Variants in FAM149B1 observed in about 807,000 individuals in gnomAD.
FAM149B1 encodes the protein family with sequence similarity 149 member B1.
FAM149B1 carries 56 observed loss-of-function variants against 75.3 expected under a neutral mutation model. The observed-to-expected ratio is 0.74, with a 90% CI of 0.60 to 0.93. The LOEUF (loss-of-function observed/expected upper bound fraction) is 0.93, where lower values mean the gene tolerates loss of function less well. FAM149B1 is among the 40% of genes least tolerant of loss of function. The pLI is 0.00. For missense variants in FAM149B1, 639 were observed against 708.4 expected (o/e 0.90, Z 1.11); for synonymous variants, 259 against 256.1 (o/e 1.01, Z -0.11).
chr10:73,228,063 A>AT lies in FAM149B1; in HGVS notation c.903dup (p.Glu302Ter). The AT allele has an allele frequency of 6.4e-7, 1 of 1,551,660 alleles. No individual in the cohort carries two copies. The highest frequency in any genetic ancestry group is 8.7e-7 in the Non-Finnish European group (1 of 1,146,868). On this transcript the variant is annotated frameshift_variant, in exon 8 of 14. Transcript: ENST00000242505. LOFTEE classifies it high-confidence loss of function. The stretch of plus-strand genomic sequence containing the variant: ...TATATCCTGTTCCTTTGCCCAGATG[A>AT]TGAGAGTAATGTTGCAGTTACCAGA...
chr10:73,241,944 G>A lies in FAM149B1; in HGVS notation c.*925G>A, dbSNP rs2133422359. 1 of 152,302 alleles carries A rather than the reference G, an allele frequency of 6.6e-6. No homozygotes were observed. Among genetic ancestry groups the A allele is most frequent in the South Asian group, 2.1e-4 (1 of 4,832 alleles). The allele number at this position is 152,302 out of a possible 1,614,324, so 9.4% of individuals were successfully genotyped here. On this transcript the variant is annotated 3_prime_UTR_variant, in exon 14 of 14. Transcript: ENST00000242505. ...CCTTTTCCTAAGGGCATTCATGAAT[G>A]CAGCAACAGTTTTAACTATGGCTTA...
chr10:73,185,207 G>C (rs193154429), intron 3 of FAM149B1, among the ~76,000 whole-genome samples: 3 of 152,118 alleles, frequency 2.0e-5, no homozygotes, highest in Admixed American at 2.0e-4. Context: ...AATCTAATTG[G>C]GTTATTTCTA....
chr10:73,186,735 C>T (rs984793557), intron 3 of FAM149B1, among the ~76,000 whole-genome samples: 1 of 152,196 alleles, frequency 6.6e-6, no homozygotes, highest in Non-Finnish European at 1.5e-5. Flanking sequence ...CATGTTACAA[C>T]TTGGATGAAC....
At chr10:73,219,051 C>T (rs2043353444) in intron 7 of FAM149B1, among the ~76,000 whole-genome samples, 1 of 152,152 alleles carries the variant, frequency 6.6e-6, no homozygotes, top group East Asian at 1.9e-4. Context: ...TAGATTTCTG[C>T]TCTCAGTCTG....
At chr10:73,239,867 C>T (rs1405588526) in intron 13 of FAM149B1, among the ~76,000 whole-genome samples, 1 of 152,140 alleles carries the variant, frequency 6.6e-6, no homozygotes, top group Non-Finnish European at 1.5e-5. Context: ...ATCGCATTAA[C>T]TCTTTTTATC....
intron 3 of FAM149B1, among the ~76,000 whole-genome samples, chr10:73,186,115 T>C (rs1214284711): frequency 6.6e-6 from 1 of 152,030 alleles, no homozygotes; most frequent in African/African-American, 2.4e-5. Flanking sequence ...TATCCCAGGA[T>C]TGCACGGCTG....
At position 73,243,929 on chromosome 10, in the gene FAM149B1, C is replaced by G; in HGVS notation, c.*2910C>G. On this transcript the variant is annotated 3_prime_UTR_variant, in exon 14 of 14. Transcript: ENST00000242505. ...TCTGCTTCTTTGGCCTCTTCCTGAG[C>G]CTGAAACAGGAACTCACATGAGACT... 6.2e-7 allele frequency: 1 copy of G among 1,613,874 alleles called. No individual in the cohort carries two copies. Among genetic ancestry groups the G allele is most frequent in the Non-Finnish European group, 8.5e-7 (1 of 1,179,896 alleles).
Position 73,208,638 on chromosome 10 carries a change from A to C in FAM149B1, c.562A>C (p.Lys188Gln). 1 of 1,534,270 alleles carries C rather than the reference A, an allele frequency of 6.5e-7. No individual in the cohort carries two copies. The highest frequency in any genetic ancestry group is 8.8e-7 in the Non-Finnish European group (1 of 1,137,624). Residue 188 changes from lysine (K) to glutamine (Q), a missense_variant, in exon 6 of 14, where the codon AAG (lysine) becomes CAG (glutamine). Transcript: ENST00000242505. ...DSTIFGIRGK[K>Q]LHFSSSYAHK... The stretch of plus-strand genomic sequence containing the variant: ...TCCAAGATTTGGTATAAGGGGAAAG[A>C]AGTTACATTTTTCATCTTCTTATGC...
At position 73,243,604 on chromosome 10, in the gene FAM149B1, G is replaced by C. The variant is rs983267534; in HGVS notation, c.*2585G>C. ...GTGGTTGCCAGGGGCTGGAAAAGTGGAATAACTACTAATGGGTATGGAGTT... is the reference window on the plus strand; with the variant it reads ...GTGGTTGCCAGGGGCTGGAAAAGTGCAATAACTACTAATGGGTATGGAGTT... On this transcript the variant is annotated 3_prime_UTR_variant, in exon 14 of 14. Transcript: ENST00000242505. The C allele has an allele frequency of 9.6e-5, 147 of 1,537,834 alleles. No individual in the cohort carries two copies. Among genetic ancestry groups the C allele is most frequent in the Non-Finnish European group, 1.2e-4 (132 of 1,125,412 alleles).
intron 9 of FAM149B1, 192 bp downstream of exon 9, chr10:73,230,717 T>C: frequency 1.9e-6 from 1 of 514,740 alleles, no homozygotes; most frequent in Non-Finnish European, 3.5e-6. Context: ...AAGACATACG[T>C]GGGTAAAAAA....
intron 3 of FAM149B1, among the ~76,000 whole-genome samples, chr10:73,185,938 CCTAA>C (rs1403475212): frequency 1.3e-5 from 2 of 152,112 alleles, no homozygotes; most frequent in Non-Finnish European, 2.9e-5. Context: ...ACAGTTCCTA[CCTAA>C]CTCATTCTAT....
chr10:73,180,284 GT>G (rs2042365324), intron 3 of FAM149B1, among the ~76,000 whole-genome samples: 1 of 152,176 alleles, frequency 6.6e-6, no homozygotes. Context: ...AGAGCTTCAT[GT>G]TTCCAAGGGA....
intron 5 of FAM149B1, among the ~76,000 whole-genome samples, chr10:73,204,252 G>C (rs934448552): frequency 6.6e-6 from 1 of 151,996 alleles, no homozygotes; most frequent in African/African-American, 2.4e-5. Flanking sequence ...AGCCTCCCAG[G>C]TAGCTGGGAT....
At chr10:73,191,662 A>T (rs1184719132) in intron 3 of FAM149B1, among the ~76,000 whole-genome samples, 4 of 152,048 alleles carry the variant, frequency 2.6e-5, no homozygotes, top group Non-Finnish European at 5.9e-5. Flanking sequence ...AGGCTGGATT[A>T]CAGAGGTCAA....
At chr10:73,228,214 C>T (rs2043600942) in intron 8 of FAM149B1, 30 bp downstream of exon 8, 2 of 1,548,160 alleles carry the variant, frequency 1.3e-6, no homozygotes, top group Non-Finnish European at 1.7e-6. Context: ...GTTGGAGACC[C>T]CAGGGCTACT....
intron 3 of FAM149B1, among the ~76,000 whole-genome samples, chr10:73,191,399 C>T (rs1217470560): frequency 1.3e-5 from 2 of 149,420 alleles, no homozygotes; most frequent in Non-Finnish European, 1.5e-5. Flanking sequence ...TGCAATAGCA[C>T]AATCTCGGCT....
intron 12 of FAM149B1, 138 bp from the exon 13 acceptor site, chr10:73,239,174 C>T: frequency 1.6e-6 from 1 of 634,510 alleles, no homozygotes; most frequent in Admixed American, 2.5e-5. Context: ...ACCCAGTGCA[C>T]TCAGCTGACT....
intron 11 of FAM149B1, 52 bp downstream of exon 11, chr10:73,234,992 G>A: frequency 2.0e-6 from 3 of 1,537,492 alleles, no homozygotes; most frequent in East Asian, 2.5e-5. Flanking sequence ...AACCTAATGG[G>A]CAGTAATTCT....
chr10:73,171,450 A>G (rs528762136), intron 1 of FAM149B1, among the ~76,000 whole-genome samples: 36 of 152,324 alleles, frequency 2.4e-4, no homozygotes, highest in Non-Finnish European at 4.0e-4. Context: ...ATTAAAAATT[A>G]TAATTGTTGA....
Sources: gnomAD v4.1 joint callset for allele counts (sites outside exome capture counted in the v4.1 genomes callset) on GRCh38, gnomAD v4.1.1 for gene constraint, MANE v1.5 for transcripts, NCBI Gene and HGNC (gene_info 2026-07-23, HGNC 2026-07-21) for gene names.